CACNA1E: variants seen among roughly 807,000 people sequenced by gnomAD.
CACNA1E encodes voltage-dependent R-type calcium channel subunit alpha-1E.
CACNA1E carries 40 observed loss-of-function variants against 259.2 expected under a neutral mutation model. That is an observed-to-expected ratio of 0.15 (90% CI 0.12 to 0.20). The LOEUF (loss-of-function observed/expected upper bound fraction) is 0.20, where lower values mean the gene tolerates loss of function less well. CACNA1E is among the 10% of genes least tolerant of loss of function. The probability of loss-of-function intolerance (pLI) is 1.00; values close to 1 mark genes in which losing one functional copy is unlikely to be tolerated. For missense variants in CACNA1E, 1,874 were observed against 3,040.1 expected (o/e 0.62, Z 9.02); for synonymous variants, 1,104 against 1,138.5 (o/e 0.97, Z 0.61).
intron 3 of CACNA1E, among the ~76,000 whole-genome samples, chr1:181,577,189 G>A (rs1424808909): frequency 6.6e-6 from 1 of 152,194 alleles, no homozygotes; most frequent in Non-Finnish European, 1.5e-5. Context: ...TCCAATTAGG[G>A]TCAAAGAGTG....
At chr1:181,575,951 G>A (rs1650928989) in intron 3 of CACNA1E, among the ~76,000 whole-genome samples, 1 of 151,810 alleles carries the variant, frequency 6.6e-6, no homozygotes, top group African/African-American at 2.4e-5. Flanking sequence ...TATTTTCTAT[G>A]TTGCTTCTCG....
At position 181,643,977 on chromosome 1, in the gene CACNA1E, G is replaced by T. The variant is rs555274454; in HGVS notation, c.952-7361G>T. 8.5e-5 allele frequency among the ~76,000 whole-genome samples: 13 copies of T among 152,128 alleles called. No homozygotes were observed. The East Asian group carries it at 2.5e-3, about 29-fold the overall frequency. On this transcript the variant is annotated intron_variant, in intron 6 of 47. Coordinates refer to ENST00000367573, the MANE Select transcript of CACNA1E (RefSeq NM_001205293.3). ...TCAGGGCTCCAAGTTACAGTGAAAC[G>T]CCCTGCTCCTGGGCCTGACAGGCTC...
At chr1:181,613,381 C>T (rs907496003) in intron 6 of CACNA1E, among the ~76,000 whole-genome samples, 3 of 152,038 alleles carry the variant, frequency 2.0e-5, no homozygotes, top group Admixed American at 2.0e-4. Flanking sequence ...GTAAGCTGTC[C>T]ATTAATACAT....
intron 19 of CACNA1E, among the ~76,000 whole-genome samples, chr1:181,731,956 A>G (rs1431386105): frequency 6.6e-6 from 1 of 151,858 alleles, no homozygotes; most frequent in East Asian, 1.9e-4. Flanking sequence ...CTGAGAGGGA[A>G]GGGAGATGAG....
At position 181,718,968 on chromosome 1, in the gene CACNA1E, A is replaced by G. The variant is rs544577066; in HGVS notation, c.1639-783A>G. ...CACTTCTCTTTCTGTCAATCCCACT[A>G]CTTTTTCTGCCAAAGCTTCAGTTAG... On this transcript the variant is annotated intron_variant, in intron 12 of 47. Transcript: ENST00000367573. Among the ~76,000 whole-genome samples, 3 of 152,240 alleles carry G rather than the reference A, an allele frequency of 2.0e-5. No homozygotes were observed. In the South Asian group the frequency reaches 6.2e-4, roughly 32 times the overall value.
chr1:181,502,595 A>G (rs1380274482), intron 1 of CACNA1E, among the ~76,000 whole-genome samples: 3 of 152,220 alleles, frequency 2.0e-5, no homozygotes, highest in African/African-American at 7.2e-5. Flanking sequence ...TTTTTACCTC[A>G]TACTGACTTC....
At chr1:181,594,156 T>C (rs1003068065) in intron 6 of CACNA1E, among the ~76,000 whole-genome samples, 1 of 151,746 alleles carries the variant, frequency 6.6e-6, no homozygotes, top group African/African-American at 2.4e-5. Context: ...ATTTTATCTA[T>C]GTAATAGATA....
At chr1:181,318,832 GA>G in intron 1 of CACNA1E, among the ~76,000 whole-genome samples, 1 of 152,336 alleles carries the variant, frequency 6.6e-6, no homozygotes, top group South Asian at 2.1e-4. Flanking sequence ...ATTGGGGCTC[GA>G]AGTAGGGGAG....
chr1:181,531,814 G>A (rs1159091334), intron 3 of CACNA1E, among the ~76,000 whole-genome samples: 1 of 152,186 alleles, frequency 6.6e-6, no homozygotes, highest in Non-Finnish European at 1.5e-5. Context: ...CAGCACTTTG[G>A]GAGGCCAAGG....
At chr1:181,629,525 T>C (rs963474670) in intron 6 of CACNA1E, among the ~76,000 whole-genome samples, 3 of 152,200 alleles carry the variant, frequency 2.0e-5, no homozygotes, top group African/African-American at 7.2e-5. Flanking sequence ...GGAACTCTCA[T>C]ATTTGACTTA....
At chr1:181,522,828 G>C (rs1254865723) in intron 3 of CACNA1E, among the ~76,000 whole-genome samples, 1 of 152,188 alleles carries the variant, frequency 6.6e-6, no homozygotes, top group Non-Finnish European at 1.5e-5. Context: ...CGGGAAGGGA[G>C]TAAATGCTCA....
At chr1:181,419,345 C>T (rs1325828965) in intron 2 of CACNA1E, among the ~76,000 whole-genome samples, 1 of 152,218 alleles carries the variant, frequency 6.6e-6, no homozygotes. Context: ...AGACCTCCCA[C>T]ATCAGGCCTC....
Position 181,684,804 on chromosome 1 carries a change from T to G in CACNA1E, c.1056-26150T>G, listed in dbSNP as rs535899178. ...CATTTGGTTTGCTGATTTGCTTTGT[T>G]TCATGTTTGGTGATAATGCCATATT... is the stretch of plus-strand genomic sequence containing the variant. On this transcript the variant is annotated intron_variant, in intron 7 of 47. Transcript: ENST00000367573. Among the ~76,000 whole-genome samples the G allele has an allele frequency of 4.6e-5, 7 of 152,248 alleles. No individual in the cohort carries two copies. The East Asian group carries it at 1.2e-3, about 25-fold the overall frequency.
At chr1:181,465,122 T>G (rs1662073887) in intron 2 of CACNA1E, among the ~76,000 whole-genome samples, 1 of 152,118 alleles carries the variant, frequency 6.6e-6, no homozygotes, top group Non-Finnish European at 1.5e-5. Flanking sequence ...GAGTCATAAT[T>G]TAGCTATTTT....
At chr1:181,576,367 G>T (rs866558149) in intron 3 of CACNA1E, among the ~76,000 whole-genome samples, 4 of 152,198 alleles carry the variant, frequency 2.6e-5, no homozygotes, top group African/African-American at 9.6e-5. Context: ...ACATGAAGCC[G>T]TCCGCTTGGC....
At chr1:181,780,566 C>T (rs1383332655) in intron 38 of CACNA1E, among the ~76,000 whole-genome samples, 3 of 152,196 alleles carry the variant, frequency 2.0e-5, no homozygotes, top group Non-Finnish European at 2.9e-5. Flanking sequence ...GATGGTGACA[C>T]GGTGATTCCA....
chr1:181,641,412 C>T lies in CACNA1E; in HGVS notation c.952-9926C>T, dbSNP rs893316463. 6.6e-5 allele frequency among the ~76,000 whole-genome samples: 10 copies of T among 152,328 alleles called. No individual in the cohort carries two copies. The East Asian group carries it at 1.5e-3, about 24-fold the overall frequency. Reference sequence around the variant, plus strand: ...AGGTCTTACCTTGCCTTGCTTGCTGCCACCAAAGGCAGCCCACTGTGGCCT... The same window carrying T: ...AGGTCTTACCTTGCCTTGCTTGCTGTCACCAAAGGCAGCCCACTGTGGCCT... On this transcript the variant is annotated intron_variant, in intron 6 of 47. Coordinates refer to ENST00000367573, the MANE Select transcript of CACNA1E (RefSeq NM_001205293.3).
intron 1 of CACNA1E, among the ~76,000 whole-genome samples, chr1:181,403,802 A>G (rs1657270121): frequency 6.6e-6 from 1 of 152,118 alleles, no homozygotes; most frequent in Non-Finnish European, 1.5e-5. Context: ...CTGGTGGTCT[A>G]AGGTGGGGTG....
intron 1 of CACNA1E, among the ~76,000 whole-genome samples, chr1:181,494,500 C>T (rs116541526): frequency 2.3e-3 from 356 of 152,070 alleles, no homozygotes; most frequent in African/African-American, 8.3e-3. Flanking sequence ...TATTTTATCT[C>T]CTTGCTTTTG....
Sources: allele counts gnomAD v4.1 joint callset (sites outside exome capture counted in the v4.1 genomes callset), GRCh38; gene constraint gnomAD v4.1.1; transcripts MANE v1.5; gene names NCBI Gene and HGNC (gene_info 2026-07-23, HGNC 2026-07-21).